The following ADAMTSL3 variants were observed in gnomAD, a reference collection of about 807,000 sequenced individuals.
ADAMTSL3 encodes ADAMTS like 3.
Under a neutral mutation model 201.7 loss-of-function variants are expected in ADAMTSL3, and 128 were observed. The observed-to-expected ratio is 0.63, with a 90% confidence interval of 0.55 to 0.73. The LOEUF (loss-of-function observed/expected upper bound fraction) is 0.73. Ranked by LOEUF, ADAMTSL3 falls within the 30% of genes least tolerant of loss-of-function variation. ADAMTSL3 has a pLI of 0.00. For synonymous variants in ADAMTSL3, 738 were observed against 748.4 expected (o/e 0.99, Z 0.23); for missense variants, 1,990 against 2,119.6 (o/e 0.94, Z 1.20).
chr15:83,683,591 C>G (rs2061501545), intron 2 of ADAMTSL3, among the ~76,000 whole-genome samples: 2 of 152,302 alleles, frequency 1.3e-5, no homozygotes, highest in South Asian at 4.1e-4. Flanking sequence ...AATGAAGACT[C>G]ATTTGAGCAT....
At chr15:83,858,344 C>G (rs1478407855) in intron 7 of ADAMTSL3, among the ~76,000 whole-genome samples, 2 of 152,116 alleles carry the variant, frequency 1.3e-5, no homozygotes, top group African/African-American at 4.8e-5. Flanking sequence ...TATTCATCTG[C>G]TTTACACATA....
chr15:83,883,583 T>A (rs552694792), intron 9 of ADAMTSL3, among the ~76,000 whole-genome samples: 1 of 151,802 alleles, frequency 6.6e-6, no homozygotes, highest in East Asian at 1.9e-4. Flanking sequence ...TGAGACAGAG[T>A]CTTGCTTTGT....
chr15:83,850,085 G>A (rs947170841), intron 7 of ADAMTSL3, among the ~76,000 whole-genome samples: 20 of 150,880 alleles, frequency 1.3e-4, no homozygotes, highest in Admixed American at 6.6e-5. Context: ...TCTATGCAAC[G>A]CTCCAAGGAA....
chr15:83,926,827 G>A (rs575288173), intron 17 of ADAMTSL3, among the ~76,000 whole-genome samples: 39 of 152,222 alleles, frequency 2.6e-4, no homozygotes, highest in African/African-American at 8.7e-4. Context: ...ATGTTGGCTA[G>A]GCTGGTCTCA....
chr15:84,013,952 C>T (rs2068045869), intron 23 of ADAMTSL3, among the ~76,000 whole-genome samples: 1 of 152,182 alleles, frequency 6.6e-6, no homozygotes, highest in Non-Finnish European at 1.5e-5. Context: ...CCCTGCATCT[C>T]ACTGCATTGA....
intron 2 of ADAMTSL3, among the ~76,000 whole-genome samples, chr15:83,671,045 G>A (rs1014816935): frequency 2.0e-5 from 3 of 151,526 alleles, no homozygotes; most frequent in African/African-American, 7.3e-5. Context: ...ATGATATATT[G>A]TTTTTTTTAA....
intron 4 of ADAMTSL3, among the ~76,000 whole-genome samples, chr15:83,782,554 G>A (rs1478188654): frequency 6.6e-6 from 1 of 152,158 alleles, no homozygotes; most frequent in Non-Finnish European, 1.5e-5. Flanking sequence ...ATAAAAAAAT[G>A]AGATCATGTC....
intron 3 of ADAMTSL3, among the ~76,000 whole-genome samples, chr15:83,725,308 A>G (rs1268099408): frequency 1.3e-5 from 2 of 152,176 alleles, no homozygotes; most frequent in African/African-American, 2.4e-5. Context: ...AAGATCAATA[A>G]TGCTGAGTAC....
chr15:83,973,785 A>G (rs1217232772), intron 20 of ADAMTSL3, among the ~76,000 whole-genome samples: 1 of 152,190 alleles, frequency 6.6e-6, no homozygotes, highest in East Asian at 1.9e-4. Context: ...GAAATGTATG[A>G]TCTACTCCAT....
At chr15:83,956,637 A>C (rs891943616) in intron 19 of ADAMTSL3, among the ~76,000 whole-genome samples, 9 of 151,816 alleles carry the variant, frequency 5.9e-5, no homozygotes, top group Non-Finnish European at 8.8e-5. Flanking sequence ...ATGTAGTTCT[A>C]TCTGTTCCAT....
intron 3 of ADAMTSL3, among the ~76,000 whole-genome samples, chr15:83,731,104 G>T (rs2062262102): frequency 6.6e-6 from 1 of 152,006 alleles, no homozygotes; most frequent in Admixed American, 6.6e-5. Context: ...TTTATTTATG[G>T]ACTCACTCTT....
chr15:83,808,164 A>T (rs576224652), intron 5 of ADAMTSL3, among the ~76,000 whole-genome samples: 2 of 152,240 alleles, frequency 1.3e-5, no homozygotes, highest in South Asian at 4.1e-4. Flanking sequence ...AAGCTTACGT[A>T]CATCGAAGGA....
intron 2 of ADAMTSL3, among the ~76,000 whole-genome samples, chr15:83,702,121 T>A (rs954232468): frequency 1.3e-5 from 2 of 152,260 alleles, no homozygotes; most frequent in East Asian, 3.9e-4. Context: ...ACTGGTGGCA[T>A]TTTGCCCCTG....
chr15:83,799,527 T>C (rs961154040), intron 4 of ADAMTSL3, among the ~76,000 whole-genome samples: 1 of 152,160 alleles, frequency 6.6e-6, no homozygotes, highest in East Asian at 1.9e-4. Flanking sequence ...ATATTTTTAT[T>C]CTTCAAAACA....
intron 3 of ADAMTSL3, among the ~76,000 whole-genome samples, chr15:83,769,533 A>G (rs2062944594): frequency 6.6e-6 from 1 of 152,244 alleles, no homozygotes; most frequent in African/African-American, 2.4e-5. Context: ...ATTAGCCCCT[A>G]TTCCTGATGA....
intron 9 of ADAMTSL3, among the ~76,000 whole-genome samples, chr15:83,879,146 TCTC>T (rs1382067244): frequency 6.6e-6 from 1 of 152,152 alleles, no homozygotes; most frequent in Admixed American, 6.5e-5. Context: ...TGCCTACTCT[TCTC>T]CTTGCTCAGT....
At chr15:83,810,536 C>T (rs989670444) in intron 5 of ADAMTSL3, among the ~76,000 whole-genome samples, 50 of 152,166 alleles carry the variant, frequency 3.3e-4, no homozygotes, top group Admixed American at 9.8e-4. Context: ...TATTATCTTA[C>T]GGTTCTGAAG....
intron 3 of ADAMTSL3, among the ~76,000 whole-genome samples, chr15:83,757,056 G>T (rs915673119): frequency 6.6e-6 from 1 of 152,196 alleles, no homozygotes; most frequent in African/African-American, 2.4e-5. Flanking sequence ...TTGAGTGTTT[G>T]CAGCTTTTCC....
intron 3 of ADAMTSL3, among the ~76,000 whole-genome samples, chr15:83,731,886 A>G (rs549145208): frequency 1.5e-4 from 23 of 152,158 alleles, no homozygotes; most frequent in South Asian, 1.0e-3. Context: ...TCTAAAGATT[A>G]TATAGCAACA....
Sources: gnomAD v4.1 joint callset for allele counts (sites outside exome capture counted in the v4.1 genomes callset) on GRCh38, gnomAD v4.1.1 for gene constraint, MANE v1.5 for transcripts, NCBI Gene and HGNC (gene_info 2026-07-23, HGNC 2026-07-21) for gene names.